FRA10AC1: variants seen among roughly 807,000 people sequenced by gnomAD.
The protein encoded by FRA10AC1 is FRA10A associated CGG repeat 1.
Under a neutral mutation model 56.5 loss-of-function variants are expected in FRA10AC1, and 43 were observed. The ratio of observed to expected loss-of-function variants is 0.76; its 90% CI spans 0.60 to 0.98. The LOEUF is 0.98. FRA10AC1 is among the 50% of genes least tolerant of loss of function. The pLI is 0.00. For missense variants in FRA10AC1, 346 were observed against 351.8 expected (o/e 0.98, Z 0.13); for synonymous variants, 112 against 110.5 (o/e 1.01, Z -0.09).
In FRA10AC1 at chr10:93,684,039, A is replaced by G; in HGVS notation, c.668+17T>C. The G allele has an allele frequency of 6.5e-7, 1 of 1,545,422 alleles. No individual in the cohort carries two copies. The highest frequency in any genetic ancestry group is 8.9e-7 in the Non-Finnish European group (1 of 1,119,412). ...TGGATTACTAAACATTAAGAATGGC[A>G]TTTTAAAAGACATTACCTGTGATGG... On this transcript the variant is annotated intron_variant, in intron 10 of 13. Coordinates refer to ENST00000359204, the MANE Select transcript of FRA10AC1 (RefSeq NM_145246.5).
At chr10:93,693,503 T>TC (rs2059163989) in intron 5 of FRA10AC1, among the ~76,000 whole-genome samples, 1 of 50,014 alleles carries the variant, frequency 2.0e-5, no homozygotes, top group Non-Finnish European at 5.3e-5. Context: ...TATATATATA[T>TC]ATATACACCA....
At chr10:93,687,781 T>A (rs1222390348) in intron 7 of FRA10AC1, 1 of 168,106 alleles carries the variant, frequency 5.9e-6, no homozygotes, top group African/African-American at 2.4e-5. Flanking sequence ...TACAAAAAAG[T>A]ACAGCCTTTG....
chr10:93,687,707 C>T (rs2059055120), intron 7 of FRA10AC1: 1 of 298,888 alleles, frequency 3.3e-6, no homozygotes, highest in Non-Finnish European at 6.2e-6. Context: ...ATAATATATC[C>T]TGTTCTGTAA....
intron 2 of FRA10AC1, among the ~76,000 whole-genome samples, chr10:93,699,696 C>A (rs904540328): frequency 3.9e-5 from 6 of 152,198 alleles, no homozygotes; most frequent in Admixed American, 6.5e-5. Context: ...ATTCAAGCCC[C>A]TTCTGAGCTA....
chr10:93,684,484 A>G (rs1280743122), intron 9 of FRA10AC1, among the ~76,000 whole-genome samples: 1 of 147,196 alleles, frequency 6.8e-6, no homozygotes, highest in Non-Finnish European at 1.5e-5. Flanking sequence ...AAATAGTTCC[A>G]TAATTGTGGT....
intron 4 of FRA10AC1, among the ~76,000 whole-genome samples, chr10:93,697,409 T>A (rs375526706): frequency 2.0e-5 from 3 of 152,182 alleles, no homozygotes; most frequent in East Asian, 3.8e-4. Context: ...TGATTACAGG[T>A]AGGGGGCGTA....
At chr10:93,683,937 C>G (rs2058979312) in intron 10 of FRA10AC1, 119 bp downstream of exon 10, 1 of 699,834 alleles carries the variant, frequency 1.4e-6, no homozygotes, top group African/African-American at 1.8e-5. Context: ...GCCACATTTT[C>G]TACATGATCA....
chr10:93,684,174 C>G (rs547970639), intron 9 of FRA10AC1, 76 bp from the exon 10 acceptor site: 7 of 1,097,744 alleles, frequency 6.4e-6, no homozygotes, highest in Non-Finnish European at 9.6e-6. Context: ...ATCATAAATT[C>G]GCACTTTCTT....
At chr10:93,700,260 C>T (rs1021254132) in intron 1 of FRA10AC1, among the ~76,000 whole-genome samples, 154 bp from the exon 2 acceptor site, 7 of 152,202 alleles carry the variant, frequency 4.6e-5, no homozygotes, top group Non-Finnish European at 1.0e-4. Context: ...CCATCTAAAA[C>T]TTTCATTCGC....
At chr10:93,692,962 T>C (rs545773312) in intron 5 of FRA10AC1, among the ~76,000 whole-genome samples, 3 of 152,258 alleles carry the variant, frequency 2.0e-5, no homozygotes, top group Non-Finnish European at 2.9e-5. Context: ...GTCTGTAGCA[T>C]TGGTTTCAAT....
chr10:93,685,530 A>C, intron 8 of FRA10AC1, 171 bp from the exon 9 acceptor site: 1 of 423,364 alleles, frequency 2.4e-6, no homozygotes, highest in Non-Finnish European at 4.1e-6. Flanking sequence ...TATCAAATCA[A>C]AGTACTGTTA....
chr10:93,677,918 T>C (rs2058871107), intron 11 of FRA10AC1, among the ~76,000 whole-genome samples: 1 of 152,204 alleles, frequency 6.6e-6, no homozygotes, highest in African/African-American at 2.4e-5. Flanking sequence ...TTTCAGAAAA[T>C]GTGGTTGAAT....
At chr10:93,669,913 A>T (rs1384197552) in intron 13 of FRA10AC1, 45 bp from the exon 14 acceptor site, 5 of 1,033,280 alleles carry the variant, frequency 4.8e-6, no homozygotes, top group Non-Finnish European at 1.5e-6. Flanking sequence ...GAGTAAAAAA[A>T]TTACTACATG....
chr10:93,668,253 TTC>T lies in FRA10AC1; in HGVS notation c.*1571_*1572del, dbSNP rs2058710082. The T allele has an allele frequency of 6.6e-6, 1 of 152,208 alleles. No homozygotes were observed. Among genetic ancestry groups the T allele is most frequent in the Non-Finnish European group, 1.5e-5 (1 of 68,038 alleles). The allele number at this position is 152,208 out of a possible 1,614,324, so 9.4% of individuals were successfully genotyped here. Reference sequence around the variant, plus strand: ...GTTCAGTTCATTTTCTATATGTCCTTTCTCTTATTCATCAAGTCAAGCATCTT... The same window carrying T: ...GTTCAGTTCATTTTCTATATGTCCTTTCTTATTCATCAAGTCAAGCATCTT... On this transcript the variant is annotated 3_prime_UTR_variant, in exon 14 of 14. Transcript: ENST00000359204.
At chr10:93,670,904 G>T in intron 12 of FRA10AC1, 56 bp from the exon 13 acceptor site, 1 of 1,154,892 alleles carries the variant, frequency 8.7e-7, no homozygotes, top group South Asian at 1.3e-5. Flanking sequence ...AGCACATTTT[G>T]AATTATTCGC....
At chr10:93,687,852 C>A (rs1037481180) in intron 7 of FRA10AC1, 4 of 153,270 alleles carry the variant, frequency 2.6e-5, no homozygotes, top group African/African-American at 7.2e-5. Flanking sequence ...TAGTACTGGG[C>A]AAATTAATCT....
chr10:93,694,986 G>T, intron 4 of FRA10AC1, 49 bp from the exon 5 acceptor site: 1 of 969,346 alleles, frequency 1.0e-6, no homozygotes, highest in Non-Finnish European at 1.6e-6. Flanking sequence ...GCTGTTTGGT[G>T]TCATAATATA....
intron 12 of FRA10AC1, chr10:93,673,830 C>T (rs764538954): frequency 2.3e-6 from 1 of 434,542 alleles, no homozygotes; most frequent in South Asian, 1.6e-5. Flanking sequence ...ATTTTATAGA[C>T]AGAAGTGAAA....
At chr10:93,696,355 A>G (rs1168069869) in intron 4 of FRA10AC1, among the ~76,000 whole-genome samples, 9 of 152,202 alleles carry the variant, frequency 5.9e-5, no homozygotes, top group Non-Finnish European at 1.2e-4. Flanking sequence ...CAGCCTAGCA[A>G]GACAACTTTG....
Sources: gnomAD v4.1 joint callset for allele counts (sites outside exome capture counted in the v4.1 genomes callset) on GRCh38, gnomAD v4.1.1 for gene constraint, MANE v1.5 for transcripts, NCBI Gene and HGNC (gene_info 2026-07-23, HGNC 2026-07-21) for gene names.